Variants in PLCL1 observed in about 807,000 individuals in gnomAD.
PLCL1 encodes the protein inactive phospholipase C-like protein 1.
A neutral mutation model predicts 84.4 loss-of-function variants in PLCL1; 41 were observed. That is an observed-to-expected ratio of 0.49 (90% CI 0.38 to 0.63). The LOEUF is 0.63. Ranked by LOEUF, PLCL1 falls within the 30% of genes least tolerant of loss-of-function variation. The pLI is 0.00. For missense variants in PLCL1, 1,206 were observed against 1,367.8 expected (o/e 0.88, Z 1.87); for synonymous variants, 490 against 488.3 (o/e 1.00, Z -0.05).
At chr2:197,955,036 C>G (rs888990797) in intron 1 of PLCL1, among the ~76,000 whole-genome samples, 2 of 152,054 alleles carry the variant, frequency 1.3e-5, no homozygotes, top group Admixed American at 6.6e-5. Flanking sequence ...CAGTTACTAT[C>G]AGAATATGCT....
chr2:197,924,007 C>T (rs1212590209), intron 1 of PLCL1, among the ~76,000 whole-genome samples: 7 of 150,024 alleles, frequency 4.7e-5, no homozygotes, highest in African/African-American at 1.5e-4. Flanking sequence ...ACCAGTCAGG[C>T]GTGGCGGCGC....
rs1416553119 is a variant in PLCL1 at position 198,114,009 on chromosome 2, A to G, written c.3105+10073A>G. ...TAAAGCTGAAAAGATGCAGAGAGAG[A>G]GAGAGAGTTATATAATATAGAATAT... On this transcript the variant is annotated intron_variant, in intron 5 of 5. Transcript: ENST00000428675. 2.0e-5 allele frequency among the ~76,000 whole-genome samples: 3 copies of G among 151,926 alleles called. No individual in the cohort carries two copies. The East Asian group carries it at 5.9e-4, about 30-fold the overall frequency.
chr2:197,882,392 G>T (rs1458917870), intron 1 of PLCL1, among the ~76,000 whole-genome samples: 1 of 152,046 alleles, frequency 6.6e-6, no homozygotes, highest in East Asian at 1.9e-4. Flanking sequence ...AATTTAATGG[G>T]AATTTAAAAA....
chr2:198,000,364 G>C (rs768097478), intron 1 of PLCL1, among the ~76,000 whole-genome samples: 1 of 152,092 alleles, frequency 6.6e-6, no homozygotes, highest in Non-Finnish European at 1.5e-5. Context: ...GCCGAGGTTT[G>C]GGGTACAAAT....
intron 1 of PLCL1, among the ~76,000 whole-genome samples, chr2:197,989,031 G>T (rs1690280732): frequency 6.6e-6 from 1 of 152,126 alleles, no homozygotes; most frequent in African/African-American, 2.4e-5. Flanking sequence ...TTGAGTGAAA[G>T]AACTAACTAG....
chr2:197,932,877 A>G (rs1164181861), intron 1 of PLCL1, among the ~76,000 whole-genome samples: 3 of 152,200 alleles, frequency 2.0e-5, no homozygotes, highest in African/African-American at 4.8e-5. Context: ...TTAAAAGGAA[A>G]AAGAGATCAC....
At chr2:198,041,629 A>G (rs1294451828) in intron 1 of PLCL1, among the ~76,000 whole-genome samples, 4 of 152,216 alleles carry the variant, frequency 2.6e-5, no homozygotes, top group African/African-American at 9.6e-5. Context: ...TTAAATGTTC[A>G]ACTGTGTAGT....
intron 5 of PLCL1, among the ~76,000 whole-genome samples, chr2:198,124,247 T>C (rs1446531006): frequency 6.6e-6 from 1 of 152,116 alleles, no homozygotes; most frequent in African/African-American, 2.4e-5. Flanking sequence ...TTCACTAGCT[T>C]ATCGCTCAAC....
At chr2:198,138,191 G>C (rs1212434511) in intron 5 of PLCL1, among the ~76,000 whole-genome samples, 1 of 152,044 alleles carries the variant, frequency 6.6e-6, no homozygotes, top group African/African-American at 2.4e-5. Context: ...GTTTTGTTTT[G>C]TTTTCTCAGT....
intron 1 of PLCL1, among the ~76,000 whole-genome samples, chr2:198,000,805 T>C (rs1690582308): frequency 6.6e-6 from 1 of 152,036 alleles, no homozygotes; most frequent in South Asian, 2.1e-4. Context: ...ACTTTTAAGG[T>C]CCATATTTCT....
At chr2:197,917,394 C>T (rs763940168) in intron 1 of PLCL1, among the ~76,000 whole-genome samples, 35 of 152,108 alleles carry the variant, frequency 2.3e-4, no homozygotes, top group Non-Finnish European at 4.4e-4. Context: ...GCTACATACT[C>T]TATGGTTCCA....
chr2:197,886,244 T>C (rs1231264092), intron 1 of PLCL1, among the ~76,000 whole-genome samples: 3 of 151,630 alleles, frequency 2.0e-5, no homozygotes, highest in Non-Finnish European at 4.4e-5. Context: ...AAACCTTGTC[T>C]CTACTAAAAA....
At chr2:197,814,952 T>C (rs1290079532) in intron 1 of PLCL1, among the ~76,000 whole-genome samples, 1 of 152,204 alleles carries the variant, frequency 6.6e-6, no homozygotes, top group African/African-American at 2.4e-5. Flanking sequence ...GGTTGGTTTA[T>C]GAGGTTTAAG....
In PLCL1 at chr2:197,949,622, A is replaced by G. The variant is rs533922954; in HGVS notation, c.241-134136A>G. Among the ~76,000 whole-genome samples the G allele has an allele frequency of 1.4e-4, 21 of 152,184 alleles. No individual in the cohort carries two copies. The South Asian group carries it at 1.7e-3, about 12-fold the overall frequency. The stretch of plus-strand genomic sequence containing the variant: ...AGAATGGCTAGGTTGATACCCTTAC[A>G]TAACAAGGGGAATTCATTGTTCTCT... On this transcript the variant is annotated intron_variant, in intron 1 of 5. Transcript: ENST00000428675.
chr2:197,866,914 T>C (rs1687561098), intron 1 of PLCL1, among the ~76,000 whole-genome samples: 1 of 152,198 alleles, frequency 6.6e-6, no homozygotes, highest in Non-Finnish European at 1.5e-5. Context: ...GCGATCATCG[T>C]TTGGGAATTC....
chr2:197,949,505 A>C (rs1276682775), intron 1 of PLCL1, among the ~76,000 whole-genome samples: 1 of 152,154 alleles, frequency 6.6e-6, no homozygotes, highest in Non-Finnish European at 1.5e-5. Flanking sequence ...AGGAGGAAAA[A>C]ACCCTATTTG....
chr2:197,883,254 C>G (rs762122823), intron 1 of PLCL1, among the ~76,000 whole-genome samples: 7 of 151,884 alleles, frequency 4.6e-5, no homozygotes, highest in Non-Finnish European at 8.8e-5. Context: ...CTTAGGAACA[C>G]CTAAAGTTTA....
chr2:198,114,053 T>C (rs1054033364), intron 5 of PLCL1, among the ~76,000 whole-genome samples: 1 of 151,838 alleles, frequency 6.6e-6, no homozygotes, highest in African/African-American at 2.4e-5. Flanking sequence ...GTGTTAGATA[T>C]ATGGGTAAAT....
At chr2:198,130,370 A>G (rs749653867) in intron 5 of PLCL1, among the ~76,000 whole-genome samples, 3 of 152,088 alleles carry the variant, frequency 2.0e-5, no homozygotes, top group Non-Finnish European at 4.4e-5. Flanking sequence ...AGCTTAGGCT[A>G]TCTTCTCACT....
Sources: gnomAD v4.1 joint callset for allele counts (sites outside exome capture counted in the v4.1 genomes callset) on GRCh38, gnomAD v4.1.1 for gene constraint, MANE v1.5 for transcripts, NCBI Gene and HGNC (gene_info 2026-07-23, HGNC 2026-07-21) for gene names.